IGSF11: variants seen among roughly 807,000 people sequenced by gnomAD.
The protein encoded by IGSF11 is immunoglobulin superfamily member 11.
A neutral mutation model predicts 41.0 loss-of-function variants in IGSF11; 22 were observed. The ratio of observed to expected loss-of-function variants is 0.54; its 90% CI spans 0.38 to 0.77. The LOEUF (loss-of-function observed/expected upper bound fraction) is 0.77. Among genes scored for constraint, IGSF11 ranks in the 30% least tolerant of loss-of-function variants. The probability of loss-of-function intolerance (pLI) is 0.00; values close to 1 mark genes in which losing one functional copy is unlikely to be tolerated. For synonymous variants in IGSF11, 219 were observed against 201.3 expected (o/e 1.09, Z -0.74); for missense variants, 444 against 530.8 (o/e 0.84, Z 1.61).
intron 1 of IGSF11, among the ~76,000 whole-genome samples, chr3:119,003,113 T>C (rs1197620518): frequency 2.2e-5 from 3 of 134,434 alleles, no homozygotes; most frequent in Admixed American, 7.5e-5. Context: ...GAGCATGGAA[T>C]GTTCTTCCAT....
At chr3:118,996,631 G>A (rs964556022) in intron 1 of IGSF11, among the ~76,000 whole-genome samples, 1 of 150,156 alleles carries the variant, frequency 6.7e-6, no homozygotes, top group African/African-American at 2.5e-5. Flanking sequence ...TTTGAGTCTC[G>A]CTCTGTCACC....
intron 1 of IGSF11, among the ~76,000 whole-genome samples, chr3:119,129,147 C>A (rs1036936403): frequency 6.6e-6 from 1 of 151,954 alleles, no homozygotes; most frequent in Non-Finnish European, 1.5e-5. Flanking sequence ...ACAACAACAC[C>A]AGGGCCTGTT....
intron 1 of IGSF11, among the ~76,000 whole-genome samples, chr3:119,087,785 A>T (rs1002501644): frequency 8.5e-5 from 13 of 152,140 alleles, no homozygotes; most frequent in South Asian, 2.1e-4. Context: ...AAAAATTAAA[A>T]TTTTTTTTAA....
intron 1 of IGSF11, among the ~76,000 whole-genome samples, chr3:118,990,183 G>A (rs540009965): frequency 6.6e-6 from 1 of 152,256 alleles, no homozygotes; most frequent in East Asian, 1.9e-4. Flanking sequence ...AGCAAAAGAA[G>A]GATATATTTA....
chr3:118,954,737 T>C (rs1048041577), intron 1 of IGSF11, among the ~76,000 whole-genome samples: 2 of 152,152 alleles, frequency 1.3e-5, no homozygotes, highest in Admixed American at 6.6e-5. Context: ...TCAATACTTA[T>C]GAAATGTATT....
intron 4 of IGSF11, among the ~76,000 whole-genome samples, chr3:118,914,403 C>T (rs927752807): frequency 1.4e-3 from 218 of 151,478 alleles, no homozygotes; most frequent in African/African-American, 4.2e-3. Context: ...GTGCGCGCAC[C>T]GTGTGCGAGC....
intron 1 of IGSF11, among the ~76,000 whole-genome samples, chr3:119,123,783 C>G (rs1289643973): frequency 6.6e-6 from 1 of 152,222 alleles, no homozygotes; most frequent in Admixed American, 6.5e-5. Flanking sequence ...GATGACTCTA[C>G]AAGAACCACA....
chr3:119,110,103 G>C (rs1209897012), upstream of IGSF11, among the ~76,000 whole-genome samples: 3 of 152,078 alleles, frequency 2.0e-5, no homozygotes, highest in Non-Finnish European at 4.4e-5. Context: ...ATGTCTATTA[G>C]GTCCGCTTGG....
intron 1 of IGSF11, among the ~76,000 whole-genome samples, chr3:119,000,174 G>C (rs1197798357): frequency 7.3e-6 from 1 of 137,766 alleles, no homozygotes; most frequent in Non-Finnish European, 1.5e-5. Context: ...AATCTCCTTT[G>C]CTGGATTCTA....
intron 1 of IGSF11, among the ~76,000 whole-genome samples, chr3:118,937,272 TA>T (rs1943355568): frequency 1.3e-5 from 2 of 152,212 alleles, no homozygotes; most frequent in African/African-American, 4.8e-5. Context: ...TACAAATTTA[TA>T]TAACCTATCA....
chr3:118,969,225 A>G (rs1214974571), intron 1 of IGSF11, among the ~76,000 whole-genome samples: 1 of 152,238 alleles, frequency 6.6e-6, no homozygotes, highest in African/African-American at 2.4e-5. Context: ...CCAACACTGT[A>G]GTGACTATAA....
intron 1 of IGSF11, among the ~76,000 whole-genome samples, chr3:119,111,720 T>C (rs2077164843): frequency 1.3e-5 from 2 of 152,196 alleles, no homozygotes; most frequent in African/African-American, 2.4e-5. Context: ...ATCTTTGTGG[T>C]TTTATCTACT....
chr3:119,126,250 G>T (rs2077403782), intron 1 of IGSF11, among the ~76,000 whole-genome samples: 1 of 152,228 alleles, frequency 6.6e-6, no homozygotes, highest in Non-Finnish European at 1.5e-5. Context: ...CATTGGCTAT[G>T]GCAGTCAGCA....
At chr3:119,121,232 T>C (rs1008335759) in intron 1 of IGSF11, among the ~76,000 whole-genome samples, 1 of 152,118 alleles carries the variant, frequency 6.6e-6, no homozygotes, top group Non-Finnish European at 1.5e-5. Context: ...GAGGGGACCA[T>C]TTTGGATTTA....
At chr3:119,131,745 A>G (rs2077485036) in intron 1 of IGSF11, among the ~76,000 whole-genome samples, 1 of 152,202 alleles carries the variant, frequency 6.6e-6, no homozygotes, top group Non-Finnish European at 1.5e-5. Flanking sequence ...AAGACACATA[A>G]TTGTCAGATT....
chr3:119,107,030 T>C (rs1475753900), upstream of IGSF11, among the ~76,000 whole-genome samples: 2 of 152,200 alleles, frequency 1.3e-5, no homozygotes, highest in Non-Finnish European at 1.5e-5. Context: ...CTATTGTAAA[T>C]AGTGCCACAA....
In IGSF11 at chr3:119,072,639, G is replaced by A. The variant is rs995293768; in HGVS notation, c.49+32505C>T. On this transcript the variant is annotated intron_variant, in intron 1 of 6. Transcript: ENST00000354673. The stretch of plus-strand genomic sequence containing the variant: ...AGTGTTACAGCTCTTAAGGCAGTGC[G>A]TCTGGAGTTGTTCATTCCTCCCGGT... 2.0e-4 allele frequency among the ~76,000 whole-genome samples: 31 copies of A among 152,264 alleles called. 1 individual carries two copies. The highest frequency in any genetic ancestry group is 6.7e-4 in the African/African-American group (28 of 41,560).
chr3:119,120,255 C>T (rs891057960), intron 1 of IGSF11, among the ~76,000 whole-genome samples: 7 of 152,144 alleles, frequency 4.6e-5, no homozygotes, highest in Non-Finnish European at 1.0e-4. Context: ...CCTAGAAAGC[C>T]AGGGCTTAAA....
At chr3:119,092,526 C>T (rs1036891884) in intron 1 of IGSF11, among the ~76,000 whole-genome samples, 3 of 152,012 alleles carry the variant, frequency 2.0e-5, no homozygotes. Flanking sequence ...GACGTGGTTT[C>T]GCCATGTTGG....
Sources: allele counts gnomAD v4.1 joint callset (sites outside exome capture counted in the v4.1 genomes callset), GRCh38; gene constraint gnomAD v4.1.1; transcripts MANE v1.5; gene names NCBI Gene and HGNC (gene_info 2026-07-23, HGNC 2026-07-21).